Variants in CCDC7 observed in about 807,000 individuals in gnomAD.
CCDC7 encodes coiled-coil domain containing 7, also known as coiled-coil domain-containing protein 7.
CCDC7 carries 183 observed loss-of-function variants against 196.9 expected under a neutral mutation model. That is an observed-to-expected ratio of 0.93 (90% CI 0.82 to 1.05). CCDC7 has a LOEUF of 1.05. CCDC7 is among the 50% of genes least tolerant of loss of function. The pLI is 0.00. For missense variants in CCDC7, 1,540 were observed against 1,482.2 expected (o/e 1.04, Z -0.64); for synonymous variants, 525 against 484.6 (o/e 1.08, Z -1.10).
chr10:32,746,716 G>C (rs959015237), intron 28 of CCDC7, among the ~76,000 whole-genome samples: 22 of 152,108 alleles, frequency 1.4e-4, no homozygotes, highest in Admixed American at 1.3e-3. Context: ...GCAGACCTCG[G>C]CTAACCATCA....
chr10:32,781,578 C>T (rs2081067449), intron 29 of CCDC7, among the ~76,000 whole-genome samples: 1 of 152,148 alleles, frequency 6.6e-6, no homozygotes, highest in African/African-American at 2.4e-5. Flanking sequence ...TCAGTTGATG[C>T]AGACAAAGCA....
chr10:32,706,185 A>G (rs777302790), intron 24 of CCDC7, among the ~76,000 whole-genome samples: 1 of 152,138 alleles, frequency 6.6e-6, no homozygotes, highest in Non-Finnish European at 1.5e-5. Context: ...CTGCTCAACT[A>G]TAGGGAAACT....
chr10:32,655,137 T>C (rs144686579), intron 20 of CCDC7, among the ~76,000 whole-genome samples: 2 of 152,194 alleles, frequency 1.3e-5, no homozygotes, highest in Admixed American at 6.5e-5. Flanking sequence ...TTGGGGATCC[T>C]CAAACTTATT....
intron 20 of CCDC7, among the ~76,000 whole-genome samples, chr10:32,643,897 T>G (rs946285719): frequency 6.6e-6 from 1 of 150,846 alleles, no homozygotes; most frequent in Non-Finnish European, 1.5e-5. Context: ...TGAAAATTAA[T>G]TGGTCTTTTC....
At chr10:32,671,488 C>T (rs6481802) in intron 21 of CCDC7, among the ~76,000 whole-genome samples, 7,594 of 152,176 alleles carry the variant, frequency 0.05, 621 homozygotes, top group African/African-American at 0.17. Flanking sequence ...AGACATATCC[C>T]TGTCATTAAG....
chr10:32,612,032 T>C (rs987231062), intron 18 of CCDC7, among the ~76,000 whole-genome samples: 3 of 152,224 alleles, frequency 2.0e-5, no homozygotes, highest in African/African-American at 7.2e-5. Context: ...TTCACAATAT[T>C]GATTCTTCCT....
At chr10:32,582,317 T>C (rs1368876598) in intron 16 of CCDC7, among the ~76,000 whole-genome samples, 2 of 151,738 alleles carry the variant, frequency 1.3e-5, no homozygotes, top group African/African-American at 4.8e-5. Context: ...CAACAAACCT[T>C]AGGCAAATTA....
intron 18 of CCDC7, among the ~76,000 whole-genome samples, chr10:32,628,109 C>G (rs1451805525): frequency 6.6e-6 from 1 of 151,684 alleles, no homozygotes; most frequent in African/African-American, 2.4e-5. Context: ...TTTTTAAATT[C>G]TTGGTAGAAT....
intron 18 of CCDC7, among the ~76,000 whole-genome samples, chr10:32,595,523 G>GT (rs1315910627): frequency 6.6e-6 from 1 of 152,128 alleles, no homozygotes; most frequent in African/African-American, 2.4e-5. Context: ...TTTTTGAAGA[G>GT]TTTTTTGTCT....
At chr10:32,554,363 A>G (rs1003489754) in intron 13 of CCDC7, among the ~76,000 whole-genome samples, 2 of 152,086 alleles carry the variant, frequency 1.3e-5, no homozygotes, top group Admixed American at 6.5e-5. Context: ...AATTGTTACA[A>G]AGTTCAGCTA....
At chr10:32,871,436 C>T (rs1217545660) in intron 41 of CCDC7, among the ~76,000 whole-genome samples, 1 of 151,890 alleles carries the variant, frequency 6.6e-6, no homozygotes, top group African/African-American at 2.4e-5. Context: ...TCTGTGGGAT[C>T]AGTGGTGATA....
intron 33 of CCDC7, among the ~76,000 whole-genome samples, chr10:32,835,228 T>C (rs1315584737): frequency 6.6e-6 from 1 of 152,108 alleles, no homozygotes; most frequent in East Asian, 1.9e-4. Flanking sequence ...AAATTTTCTG[T>C]CTCAATTATC....
At chr10:32,726,316 A>G (rs1002338972) in intron 25 of CCDC7, among the ~76,000 whole-genome samples, 7 of 151,898 alleles carry the variant, frequency 4.6e-5, no homozygotes, top group Non-Finnish European at 1.0e-4. Context: ...AATTTATAGT[A>G]TATATCTTTG....
chr10:32,701,390 T>C (rs894394842), intron 24 of CCDC7, among the ~76,000 whole-genome samples: 1 of 152,172 alleles, frequency 6.6e-6, no homozygotes, highest in Non-Finnish European at 1.5e-5. Flanking sequence ...GTGGATAAGC[T>C]TTCTGATGTG....
At chr10:32,511,378 G>A in intron 9 of CCDC7, 3 of 1,609,130 alleles carry the variant, frequency 1.9e-6, no homozygotes, top group East Asian at 2.2e-5. Flanking sequence ...GTTCCCAGAG[G>A]GCATTTTTTA....
intron 41 of CCDC7, among the ~76,000 whole-genome samples, chr10:32,868,381 C>G (rs1428120664): frequency 6.6e-6 from 1 of 151,904 alleles, no homozygotes; most frequent in East Asian, 1.9e-4. Flanking sequence ...ATCTACTCAT[C>G]TGTTTCTTTA....
chr10:32,605,444 G>T (rs1007428304), intron 18 of CCDC7, among the ~76,000 whole-genome samples: 6 of 152,162 alleles, frequency 3.9e-5, no homozygotes, highest in African/African-American at 7.2e-5. Flanking sequence ...GGAGGGCTCC[G>T]AAGAAGAACA....
In CCDC7 at chr10:32,548,695, G is replaced by GAAT. The variant is rs1458494000; in HGVS notation, c.1134+4399_1134+4401dup. Among the ~76,000 whole-genome samples, 28 of 152,244 alleles carry GAAT rather than the reference G, an allele frequency of 1.8e-4. No individual in the cohort carries two copies. In the South Asian group the frequency reaches 5.6e-3, roughly 30 times the overall value. On this transcript the variant is annotated intron_variant, in intron 13 of 41. Transcript: ENST00000639629. ...TTCCATTCCTGAGTTACATCACTTA[G>GAAT]AATAATAGTCTCCAATCTCATCCAG...
At chr10:32,602,761 A>G (rs2061191520) in intron 18 of CCDC7, among the ~76,000 whole-genome samples, 1 of 152,204 alleles carries the variant, frequency 6.6e-6, no homozygotes, top group African/African-American at 2.4e-5. Context: ...AATGTAGTTA[A>G]AGTGTTCAGA....
Sources: gnomAD v4.1 joint callset for allele counts (sites outside exome capture counted in the v4.1 genomes callset) on GRCh38, gnomAD v4.1.1 for gene constraint, MANE v1.5 for transcripts, NCBI Gene and HGNC (gene_info 2026-07-23, HGNC 2026-07-21) for gene names.